DCC: variants seen among roughly 807,000 people sequenced by gnomAD.
DCC encodes the protein DCC netrin 1 receptor.
Under a neutral mutation model 172.5 loss-of-function variants are expected in DCC, and 58 were observed. That is an observed-to-expected ratio of 0.34 (90% CI 0.27 to 0.42). The LOEUF is 0.42. Ranked by LOEUF, DCC falls within the 10% of genes least tolerant of loss-of-function variation. DCC has a pLI of 1.00. For synonymous variants in DCC, 709 were observed against 644.5 expected, an observed-to-expected ratio of 1.10 and a Z score of -1.52; for missense variants, 1,740 against 1,791.0, an observed-to-expected ratio of 0.97 and a Z score of 0.51.
chr18:52,724,251 A>T (rs1348370218), intron 1 of DCC, among the ~76,000 whole-genome samples: 1 of 152,106 alleles, frequency 6.6e-6, no homozygotes, highest in East Asian at 1.9e-4. Context: ...GGCCTAAACA[A>T]TCCTCCTGCC....
chr18:52,398,373 G>T (rs1986311200), intron 1 of DCC, among the ~76,000 whole-genome samples: 1 of 151,780 alleles, frequency 6.6e-6, no homozygotes, highest in South Asian at 2.1e-4. Context: ...CTCATCTGTG[G>T]GTTTTTTCCC....
chr18:53,112,063 C>T (rs1402144457), intron 7 of DCC, among the ~76,000 whole-genome samples: 1 of 151,004 alleles, frequency 6.6e-6, no homozygotes, highest in Non-Finnish European at 1.5e-5. Context: ...TGACTCTAGG[C>T]ATGCATTTAG....
intron 7 of DCC, among the ~76,000 whole-genome samples, chr18:53,082,721 C>T (rs545031921): frequency 6.6e-6 from 1 of 152,024 alleles, no homozygotes; most frequent in Non-Finnish European, 1.5e-5. Context: ...ATAGTTTCCA[C>T]GTGGTATGTA....
intron 1 of DCC, among the ~76,000 whole-genome samples, chr18:52,468,746 A>T (rs1598842856): frequency 6.6e-6 from 1 of 152,154 alleles, no homozygotes. Flanking sequence ...AGATTGTCTG[A>T]TTTTCACATG....
chr18:52,886,590 G>C (rs2039572892), intron 2 of DCC, among the ~76,000 whole-genome samples: 1 of 152,136 alleles, frequency 6.6e-6, no homozygotes, highest in South Asian at 2.1e-4. Context: ...CATAGCTGTA[G>C]CGTATTCGTT....
chr18:53,167,577 T>C (rs1236446908), intron 8 of DCC, among the ~76,000 whole-genome samples: 1 of 152,216 alleles, frequency 6.6e-6, no homozygotes, highest in South Asian at 2.1e-4. Flanking sequence ...GTAATTATTC[T>C]CTTTTAATTT....
At chr18:52,885,918 C>T (rs1208342020) in intron 2 of DCC, among the ~76,000 whole-genome samples, 3 of 151,974 alleles carry the variant, frequency 2.0e-5, no homozygotes, top group African/African-American at 7.2e-5. Flanking sequence ...CAGCAGTTCC[C>T]TCTTGGACCA....
intron 13 of DCC, among the ~76,000 whole-genome samples, chr18:53,310,876 A>G (rs986203689): frequency 2.6e-5 from 4 of 152,140 alleles, no homozygotes; most frequent in African/African-American, 9.7e-5. Context: ...AGCATTCAGG[A>G]TAGAAACCTG....
intron 12 of DCC, among the ~76,000 whole-genome samples, chr18:53,221,614 C>T (rs750310296): frequency 1.3e-5 from 2 of 152,138 alleles, no homozygotes; most frequent in Non-Finnish European, 2.9e-5. Flanking sequence ...TACCCAATTA[C>T]AGAATCCCTG....
intron 13 of DCC, among the ~76,000 whole-genome samples, chr18:53,318,739 C>T (rs2057372472): frequency 7.3e-6 from 1 of 137,834 alleles, no homozygotes; most frequent in African/African-American, 2.6e-5. Flanking sequence ...TATATAATGC[C>T]CTTCTTCGTT....
chr18:52,403,972 T>G (rs929650926), intron 1 of DCC, among the ~76,000 whole-genome samples: 1 of 152,088 alleles, frequency 6.6e-6, no homozygotes, highest in Non-Finnish European at 1.5e-5. Context: ...GCATTAACCC[T>G]CCTGGTGATT....
intron 1 of DCC, among the ~76,000 whole-genome samples, chr18:52,345,169 A>G (rs1260628777): frequency 6.6e-6 from 1 of 152,358 alleles, no homozygotes; most frequent in African/African-American, 2.4e-5. Flanking sequence ...TAGATGAACT[A>G]TATACATAAA....
At chr18:53,110,458 G>C (rs1211119286) in intron 7 of DCC, among the ~76,000 whole-genome samples, 1 of 151,688 alleles carries the variant, frequency 6.6e-6, no homozygotes, top group Non-Finnish European at 1.5e-5. Context: ...GAAAACAAAA[G>C]AGGGCTTTTG....
intron 1 of DCC, among the ~76,000 whole-genome samples, chr18:52,382,725 T>C (rs544468587): frequency 2.0e-5 from 3 of 152,180 alleles, no homozygotes; most frequent in South Asian, 2.1e-4. Flanking sequence ...TGTGGGTAGA[T>C]TGATGGTGAC....
chr18:53,066,335 TTGTG>T (rs1271036251), intron 7 of DCC, among the ~76,000 whole-genome samples, 169 bp downstream of exon 7: 1 of 124,526 alleles, frequency 8.0e-6, no homozygotes, highest in Non-Finnish European at 1.7e-5. Context: ...CTCTAGAAAA[TTGTG>T]TGTGTACATG....
chr18:53,281,686 A>G (rs1382491379), intron 12 of DCC, among the ~76,000 whole-genome samples: 1 of 152,062 alleles, frequency 6.6e-6, no homozygotes, highest in Non-Finnish European at 1.5e-5. Context: ...GGCAGTTGCT[A>G]AACTGTTATT....
intron 1 of DCC, among the ~76,000 whole-genome samples, chr18:52,459,436 T>G (rs1988558297): frequency 6.6e-6 from 1 of 151,862 alleles, no homozygotes; most frequent in Admixed American, 6.6e-5. Context: ...CATTTATAAG[T>G]AAGAAAATGC....
rs558752891 is a variant in DCC at position 53,332,382 on chromosome 18, A to T, written c.2165-7331A>T. ...AACAAAAAGACAAAATGCAGTTAAA[A>T]ATTACAAAACAATGTTGAACTGTAA... On this transcript the variant is annotated intron_variant, in intron 14 of 28. Transcript: ENST00000442544. 4.7e-4 allele frequency among the ~76,000 whole-genome samples: 71 copies of T among 152,346 alleles called. 1 individual carries two copies. In the South Asian group the frequency reaches 0.013, roughly 28 times the overall value.
At chr18:53,186,500 A>G (rs1164226886) in intron 9 of DCC, among the ~76,000 whole-genome samples, 2 of 152,162 alleles carry the variant, frequency 1.3e-5, no homozygotes, top group African/African-American at 4.8e-5. Flanking sequence ...GCTTTAGGCA[A>G]CCGCTTTGAT....
Sources: allele counts gnomAD v4.1 joint callset (sites outside exome capture counted in the v4.1 genomes callset), GRCh38; gene constraint gnomAD v4.1.1; transcripts MANE v1.5; gene names NCBI Gene and HGNC (gene_info 2026-07-23, HGNC 2026-07-21).